The following ENTPD6 variants were observed in gnomAD, a reference collection of about 807,000 sequenced individuals.
ENTPD6 encodes CD39 antigen-like 2.
Under a neutral mutation model 61.5 loss-of-function variants are expected in ENTPD6, and 46 were observed. The observed-to-expected ratio is 0.75, with a 90% CI of 0.59 to 0.96. The LOEUF is 0.96. Ranked by LOEUF, ENTPD6 falls within the 40% of genes least tolerant of loss-of-function variation. The pLI is 0.00. For missense variants in ENTPD6, 612 were observed against 629.0 expected (o/e 0.97, Z 0.29); for synonymous variants, 252 against 255.5 (o/e 0.99, Z 0.13).
chr20:25,195,895 G>C, intron 1 of ENTPD6, 28 bp downstream of exon 1: 1 of 1,231,284 alleles, frequency 8.1e-7, no homozygotes, highest in Non-Finnish European at 1.0e-6. Context: ...GCGCTGGCGG[G>C]GGCGGCCGGG....
intron 12 of ENTPD6, 132 bp downstream of exon 12, chr20:25,223,110 G>C: frequency 1.9e-6 from 2 of 1,063,228 alleles, no homozygotes; most frequent in Non-Finnish European, 2.7e-6. Context: ...CAGGAGGCCA[G>C]AAGCAGATTT....
chr20:25,197,390 A>G (rs1188401036), intron 1 of ENTPD6, among the ~76,000 whole-genome samples: 3 of 151,796 alleles, frequency 2.0e-5, no homozygotes, highest in Non-Finnish European at 2.9e-5. Flanking sequence ...TGTGCACCCT[A>G]CTTCCTACCC....
chr20:25,199,029 G>T (rs1171734173), intron 1 of ENTPD6, among the ~76,000 whole-genome samples: 1 of 152,112 alleles, frequency 6.6e-6, no homozygotes, highest in Non-Finnish European at 1.5e-5. Flanking sequence ...CCTACTGCCC[G>T]TTTTCCCCCT....
chr20:25,215,727 A>C lies in ENTPD6; in HGVS notation c.709+16A>C, dbSNP rs760819219. ...TTCCTGACAGGTGTGTGCACACTGC[A>C]TCACAGAGGCTAGCCGATCACAGAC... On this transcript the variant is annotated intron_variant, in intron 7 of 14. Transcript: ENST00000376652. 4.3e-6 allele frequency: 7 copies of C among 1,614,050 alleles called. No individual in the cohort carries two copies. In the East Asian group the frequency reaches 1.3e-4, roughly 31 times the overall value.
chr20:25,206,464 C>T (rs1472853703), intron 1 of ENTPD6, 58 bp from the exon 2 acceptor site: 2 of 1,329,316 alleles, frequency 1.5e-6, no homozygotes, highest in East Asian at 4.6e-5. Flanking sequence ...TATTTTGCTA[C>T]TCTAGTAGAA....
chr20:25,196,202 C>T, intron 1 of ENTPD6: 1 of 1,187,052 alleles, frequency 8.4e-7, no homozygotes, highest in Non-Finnish European at 1.0e-6. Context: ...CAGACCCCTC[C>T]GCCCTGGATG....
chr20:25,207,576 A>C (rs1600546480), intron 3 of ENTPD6, among the ~76,000 whole-genome samples, 179 bp downstream of exon 3: 1 of 152,068 alleles, frequency 6.6e-6, no homozygotes, highest in Admixed American at 6.5e-5. Flanking sequence ...GATCACTCTT[A>C]CACTAGTGAG....
intron 10 of ENTPD6, 53 bp from the exon 11 acceptor site, chr20:25,221,179 T>A: frequency 1.4e-6 from 2 of 1,437,486 alleles, no homozygotes; most frequent in Non-Finnish European, 1.9e-6. Flanking sequence ...TCAGCCCTAG[T>A]CCATGGCGGT....
chr20:25,223,764 T>A (rs2092713187), intron 12 of ENTPD6: 1 of 185,206 alleles, frequency 5.4e-6, no homozygotes, highest in African/African-American at 2.3e-5. Context: ...AGCTCAGTTC[T>A]ATGGCTTCAG....
In ENTPD6 at chr20:25,207,224, C is replaced by A. The variant is rs2091575149; in HGVS notation, c.203C>A (p.Thr68Asn). Residue 68 changes from threonine to asparagine, a missense_variant, in exon 3 of 15, where the codon ACC (threonine) becomes AAC (asparagine). Coordinates refer to ENST00000376652, the MANE Select transcript of ENTPD6 (RefSeq NM_001247.5). ...AYIKWHRATA[T>N]QAFFSITRAA... ...ATCAAGTGGCACCGGGCCACCGCCACCCAGGCCTTCTTCAGCATCACCAGG... is the reference window on the plus strand; with the variant it reads ...ATCAAGTGGCACCGGGCCACCGCCAACCAGGCCTTCTTCAGCATCACCAGG... 6.2e-7 allele frequency: 1 copy of A among 1,613,968 alleles called. No homozygotes were observed. Among genetic ancestry groups the A allele is most frequent in the African/African-American group, 1.3e-5 (1 of 74,934 alleles).
chr20:25,221,439 AC>A (rs760281464), intron 11 of ENTPD6, 106 bp downstream of exon 11: 7 of 857,860 alleles, frequency 8.2e-6, no homozygotes, highest in South Asian at 5.6e-5. Context: ...GAGGCTCCTG[AC>A]CTCTCTTTGA....
At position 25,227,366 on chromosome 20, in the gene ENTPD6, G is replaced by A. The variant is rs919073981; in HGVS notation, c.*1769G>A. Reference sequence around the variant, plus strand: ...GAACTCCGGAGGCTGAGAATCAGACGCATGAAGGTAAAGCCAAAATCAATT... The same window carrying A: ...GAACTCCGGAGGCTGAGAATCAGACACATGAAGGTAAAGCCAAAATCAATT... On this transcript the variant is annotated 3_prime_UTR_variant, in exon 15 of 15. Coordinates refer to ENST00000376652, the MANE Select transcript of ENTPD6 (RefSeq NM_001247.5). Among the ~76,000 whole-genome samples the A allele has an allele frequency of 2.0e-5, 3 of 152,222 alleles. No individual in the cohort carries two copies. Among genetic ancestry groups the A allele is most frequent in the Non-Finnish European group, 2.9e-5 (2 of 68,044 alleles).
At chr20:25,200,554 C>G (rs1412646568) in intron 1 of ENTPD6, among the ~76,000 whole-genome samples, 2 of 152,078 alleles carry the variant, frequency 1.3e-5, no homozygotes, top group East Asian at 3.9e-4. Flanking sequence ...TCCATTTCAT[C>G]TAGGTTATCC....
chr20:25,225,465 G>C, intron 14 of ENTPD6, 34 bp from the exon 15 acceptor site: 1 of 1,604,098 alleles, frequency 6.2e-7, no homozygotes, highest in Non-Finnish European at 8.5e-7. Context: ...TCCTGTCTGT[G>C]TGATGGTCCC....
At chr20:25,207,487 T>A in intron 3 of ENTPD6, 90 bp downstream of exon 3, 4 of 1,230,666 alleles carry the variant, frequency 3.3e-6, no homozygotes, top group Non-Finnish European at 4.4e-6. Context: ...ACCTGGGAGC[T>A]TGTCTAAATG....
At chr20:25,225,403 C>T in intron 14 of ENTPD6, 86 bp downstream of exon 14, 1 of 1,585,058 alleles carries the variant, frequency 6.3e-7, no homozygotes, top group Non-Finnish European at 8.6e-7. Flanking sequence ...GTCATGTCCC[C>T]CAGCCCATCC....
chr20:25,213,131 T>C, intron 4 of ENTPD6, 132 bp from the exon 5 acceptor site: 1 of 1,014,458 alleles, frequency 9.9e-7, no homozygotes, highest in Non-Finnish European at 1.5e-6. Flanking sequence ...ATCAAGCCAC[T>C]TCACTCTAGC....
At chr20:25,217,634 C>T in intron 9 of ENTPD6, 53 bp downstream of exon 9, 2 of 1,499,824 alleles carry the variant, frequency 1.3e-6, no homozygotes, top group Non-Finnish European at 1.9e-6. Flanking sequence ...GTATGCAGCT[C>T]CCAGGGCCTC....
rs1406226042 is a variant in ENTPD6 at position 25,227,709 on chromosome 20, C to G, written c.*2112C>G. Among the ~76,000 whole-genome samples, 1 of 152,256 alleles carries G rather than the reference C, an allele frequency of 6.6e-6. No homozygotes were observed. Among genetic ancestry groups the G allele is most frequent in the Non-Finnish European group, 1.5e-5 (1 of 68,044 alleles). ...CCGCGTACCCCACATCACTTAGCAC[C>G]CATTGCTGCCCACTGAGCTGCCTCA... On this transcript the variant is annotated 3_prime_UTR_variant, in exon 15 of 15. Transcript: ENST00000376652.
Sources: allele counts gnomAD v4.1 joint callset (sites outside exome capture counted in the v4.1 genomes callset), GRCh38; gene constraint gnomAD v4.1.1; transcripts MANE v1.5; gene names NCBI Gene and HGNC (gene_info 2026-07-23, HGNC 2026-07-21).